The following NFASC variants were observed in gnomAD, a reference collection of about 807,000 sequenced individuals.
The protein encoded by NFASC is neurofascin, also known as neurofascin homolog.
A neutral mutation model predicts 147.5 loss-of-function variants in NFASC; 43 were observed. The ratio of observed to expected loss-of-function variants is 0.29; its 90% CI spans 0.23 to 0.38. The LOEUF is 0.38. Ranked by LOEUF, NFASC falls within the 10% of genes least tolerant of loss-of-function variation. The pLI, the probability that NFASC is intolerant of heterozygous loss-of-function variation, is 1.00. For missense variants in NFASC, 1,320 were observed against 1,689.0 expected, an observed-to-expected ratio of 0.78 and a Z score of 3.83; for synonymous variants, 622 against 665.5, an observed-to-expected ratio of 0.93 and a Z score of 1.01.
intron 8 of NFASC, among the ~76,000 whole-genome samples, chr1:204,959,833 T>C (rs1457865649): frequency 6.6e-6 from 1 of 152,264 alleles, no homozygotes; most frequent in Non-Finnish European, 1.5e-5. Context: ...ACTTGGACTT[T>C]CCAGAAACAC....
chr1:204,887,762 A>G (rs2081598970), intron 1 of NFASC, among the ~76,000 whole-genome samples: 1 of 151,768 alleles, frequency 6.6e-6, no homozygotes, highest in Admixed American at 6.6e-5. Context: ...ACGCTCAGCT[A>G]ATTTTTTATA....
In NFASC at chr1:204,987,221, C is replaced by G; in HGVS notation, c.2471-197C>G. ...AGTCTGAGCTATGTTTGTCCTCAGA[C>G]CTGAAGGAAATAGCATCCTGGATGG... On this transcript the variant is annotated intron_variant, in intron 21 of 29. Transcript: ENST00000339876. This position sits in a 1 kb window ranked among gnomAD's most constrained non-coding sequence, Gnocchi z 4.4. 1.7e-6 allele frequency: 1 copy of G among 592,686 alleles called. No homozygotes were observed. The highest frequency in any genetic ancestry group is 3.0e-6 in the Non-Finnish European group (1 of 333,626). 36.7% of individuals were successfully genotyped at this position (592,686 alleles called of 1,614,324 possible). A position where few individuals can be genotyped will look rare whatever the true frequency, so the allele number is the denominator to read the frequency against.
chr1:204,937,200 A>T (rs750399159), intron 2 of NFASC, among the ~76,000 whole-genome samples: 1 of 151,966 alleles, frequency 6.6e-6, no homozygotes, highest in Non-Finnish European at 1.5e-5. Context: ...AGGTACAGAG[A>T]GTTCCCATGC....
chr1:205,012,908 C>A, intron 29 of NFASC, 42 bp downstream of exon 29: 1 of 1,457,660 alleles, frequency 6.9e-7, no homozygotes. Context: ...GGCTGTCCTC[C>A]CTGTCCCTGA....
intron 1 of NFASC, among the ~76,000 whole-genome samples, chr1:204,839,554 T>C (rs1674702088): frequency 1.3e-5 from 2 of 152,194 alleles, no homozygotes; most frequent in Non-Finnish European, 1.5e-5. Flanking sequence ...AGGGAATGGC[T>C]TAGCTGGTAC....
At chr1:204,864,723 C>G (rs2759285) in intron 1 of NFASC, among the ~76,000 whole-genome samples, 10,148 of 152,094 alleles carry the variant, frequency 0.067, 419 homozygotes, top group Middle Eastern at 0.11. Context: ...TTTAAATTGG[C>G]TTTTGGTCTT....
intron 2 of NFASC, among the ~76,000 whole-genome samples, chr1:204,924,909 T>C (rs1263365277): frequency 6.6e-6 from 1 of 152,234 alleles, no homozygotes; most frequent in Non-Finnish European, 1.5e-5. Flanking sequence ...GGAGTTTTGC[T>C]CTGTCACCTA....
intron 1 of NFASC, among the ~76,000 whole-genome samples, chr1:204,876,840 G>GGA (rs1210017290): frequency 6.6e-6 from 1 of 151,248 alleles, no homozygotes; most frequent in Non-Finnish European, 1.5e-5. Flanking sequence ...AAGAATCGTG[G>GGA]GACTCATAAA....
intron 3 of NFASC, chr1:204,946,207 C>A (rs1326678236): frequency 4.7e-6 from 2 of 423,716 alleles, no homozygotes; most frequent in Non-Finnish European, 5.0e-6. Flanking sequence ...AGTCACACAG[C>A]AAATGGTTGG....
chr1:204,848,896 T>C (rs1305704426), intron 1 of NFASC, among the ~76,000 whole-genome samples: 1 of 152,232 alleles, frequency 6.6e-6, no homozygotes, highest in African/African-American at 2.4e-5. Flanking sequence ...AGTTAAATAA[T>C]CTGCGATAAT....
rs138096055 is a variant in NFASC at position 204,975,695 on chromosome 1, C to T, written c.1706+277C>T. Among the ~76,000 whole-genome samples, 14 of 152,266 alleles carry T rather than the reference C, an allele frequency of 9.2e-5. No homozygotes were observed. Among genetic ancestry groups the T allele is most frequent in the African/African-American group, 3.4e-4 (14 of 41,534 alleles). ...TCTTCTCAATCTCTTCACTTCTCCT[C>T]TCCCTGTCTCCCCTCACTTCGCCTC... On this transcript the variant is annotated intron_variant, in intron 15 of 29. Coordinates refer to ENST00000339876, the MANE Select transcript of NFASC (RefSeq NM_001005388.3). This position sits in a 1 kb window ranked among gnomAD's most constrained non-coding sequence, Gnocchi z 4.0.
chr1:205,016,635 C>A lies in NFASC; in HGVS notation c.*96C>A. 1.2e-6 allele frequency: 1 copy of A among 849,456 alleles called. No individual in the cohort carries two copies. The highest frequency in any genetic ancestry group is 1.4e-5 in the South Asian group (1 of 72,302). 52.6% of individuals were successfully genotyped at this position (849,456 alleles called of 1,614,324 possible). ...AGACCTACCACGAAGCCACCACCAC[C>A]TTCAGTAACAAGGGTACGATATGGG... On this transcript the variant is annotated 3_prime_UTR_variant, in exon 30 of 30. Coordinates refer to ENST00000339876, the MANE Select transcript of NFASC (RefSeq NM_001005388.3). This position sits in a 1 kb window ranked among gnomAD's most constrained non-coding sequence, Gnocchi z 5.1.
At position 205,020,035 on chromosome 1, in the gene NFASC, T is replaced by G. The variant is rs2841633; in HGVS notation, c.*3496T>G. ...CCTGCCTTGCTTTTGAGGAGATGGT[T>G]GAATTTAAGCTAACAGGAAAGCCAA... On this transcript the variant is annotated 3_prime_UTR_variant, in exon 30 of 30. Coordinates refer to ENST00000339876, the MANE Select transcript of NFASC (RefSeq NM_001005388.3). 86,404 of 152,044 alleles carry G rather than the reference T, an allele frequency of 0.57. 27,926 individuals are homozygous for G. Among genetic ancestry groups the G allele is most frequent in the East Asian group, 0.74 (3,816 of 5,146 alleles). 9.4% of individuals were successfully genotyped at this position (152,044 alleles called of 1,614,324 possible). A position where few individuals can be genotyped will look rare whatever the true frequency, so the allele number is the denominator to read the frequency against.
Position 204,952,158 on chromosome 1 carries a change from G to T in NFASC, c.215+42G>T, listed in dbSNP as rs766673016. The T allele has an allele frequency of 2.1e-6, 3 of 1,448,152 alleles. No homozygotes were observed. In the South Asian group the frequency reaches 3.5e-5, roughly 17 times the overall value. The allele number at this position is 1,448,152 out of a possible 1,614,324, so 89.7% of individuals were successfully genotyped here. On this transcript the variant is annotated intron_variant, in intron 5 of 29. Coordinates refer to ENST00000339876, the MANE Select transcript of NFASC (RefSeq NM_001005388.3). Reference sequence around the variant, plus strand: ...AAGAGTGCATTGAAACCACCCGCTTGCCTCTGGGCCTGATGATAACTAAGG... The same window carrying T: ...AAGAGTGCATTGAAACCACCCGCTTTCCTCTGGGCCTGATGATAACTAAGG...
chr1:204,880,322 A>G (rs375955170), intron 1 of NFASC, among the ~76,000 whole-genome samples: 8 of 151,944 alleles, frequency 5.3e-5, no homozygotes, highest in African/African-American at 1.9e-4. Flanking sequence ...ATTTTAATGT[A>G]ATTTTTTTTC....
chr1:204,947,944 A>G (rs1440461650), intron 3 of NFASC, among the ~76,000 whole-genome samples: 1 of 151,618 alleles, frequency 6.6e-6, no homozygotes, highest in African/African-American at 2.4e-5. Context: ...ACACCCTCAC[A>G]TATCCTCACA....
chr1:204,945,028 T>C (rs745475006), intron 3 of NFASC: 6 of 152,172 alleles, frequency 3.9e-5, no homozygotes, highest in Non-Finnish European at 8.8e-5. Flanking sequence ...AGATAAAAAG[T>C]AAAATCGCTG....
At chr1:204,948,032 A>G (rs1435721045) in intron 3 of NFASC, among the ~76,000 whole-genome samples, 4 of 152,112 alleles carry the variant, frequency 2.6e-5, no homozygotes, top group Non-Finnish European at 5.9e-5. Flanking sequence ...ACTCCCACTC[A>G]CACACCTCAA....
At chr1:204,868,096 G>A (rs1019352087) in intron 1 of NFASC, among the ~76,000 whole-genome samples, 2 of 152,256 alleles carry the variant, frequency 1.3e-5, no homozygotes, top group Non-Finnish European at 2.9e-5. Flanking sequence ...TCCACGCTGG[G>A]AAATGGGGAT....
Sources: gnomAD v4.1 joint callset for allele counts (sites outside exome capture counted in the v4.1 genomes callset) on GRCh38, gnomAD v4.1.1 for gene constraint, Gnocchi (gnomAD v3.1) non-coding constraint, MANE v1.5 for transcripts, NCBI Gene and HGNC (gene_info 2026-07-23, HGNC 2026-07-21) for gene names.